Variants in PPP2R5E observed in about 807,000 individuals in gnomAD.
PPP2R5E encodes serine/threonine-protein phosphatase 2A 56 kDa regulatory subunit epsilon isoform.
A neutral mutation model predicts 65.3 loss-of-function variants in PPP2R5E; 4 were observed. The ratio of observed to expected loss-of-function variants is 0.06; its 90% CI spans 0.03 to 0.14. PPP2R5E has a LOEUF of 0.14. Among genes scored for constraint, PPP2R5E ranks in the 10% least tolerant of loss-of-function variants. The pLI is 1.00. For synonymous variants in PPP2R5E, 183 were observed against 187.4 expected (o/e 0.98, Z 0.19); for missense variants, 274 against 556.1 (o/e 0.49, Z 5.10).
At chr14:63,524,683 C>T (rs528197121) in intron 2 of PPP2R5E, among the ~76,000 whole-genome samples, 1 of 152,298 alleles carries the variant, frequency 6.6e-6, no homozygotes, top group Admixed American at 6.5e-5. Flanking sequence ...CACCAGGACA[C>T]AGCATGAGTT....
intron 2 of PPP2R5E, among the ~76,000 whole-genome samples, chr14:63,511,125 T>C (rs1047060464): frequency 1.3e-5 from 2 of 152,222 alleles, no homozygotes; most frequent in South Asian, 4.1e-4. Flanking sequence ...CACAAAGAGG[T>C]AGTCTTTCTC....
rs1234881089 is a variant in PPP2R5E, at chr14:63,490,096, TAGA to T, written c.158-36214_158-36212del. 2.6e-5 allele frequency among the ~76,000 whole-genome samples: 4 copies of T among 152,036 alleles called. No homozygotes were observed. The East Asian group carries it at 7.7e-4, about 29-fold the overall frequency. The stretch of plus-strand genomic sequence containing the variant: ...AATAAGTAGTAAAATTCTTGCAGAG[TAGA>T]AGAACTAGGCCGAATAAAATTGTGC... On this transcript the variant is annotated intron_variant, in intron 2 of 13. Transcript: ENST00000337537.
At chr14:63,454,796 G>C (rs535345908) in intron 2 of PPP2R5E, among the ~76,000 whole-genome samples, 1 of 152,266 alleles carries the variant, frequency 6.6e-6, no homozygotes, top group South Asian at 2.1e-4. Flanking sequence ...CTTCCCTGGA[G>C]AAGCAATGAA....
At chr14:63,499,983 T>A (rs1424286460) in intron 2 of PPP2R5E, among the ~76,000 whole-genome samples, 1 of 152,224 alleles carries the variant, frequency 6.6e-6, no homozygotes, top group African/African-American at 2.4e-5. Flanking sequence ...ATTTGACTCA[T>A]TATTTATGCT....
At chr14:63,485,660 C>T (rs1029707436) in intron 2 of PPP2R5E, among the ~76,000 whole-genome samples, 3 of 151,736 alleles carry the variant, frequency 2.0e-5, no homozygotes, top group Non-Finnish European at 4.4e-5. Context: ...GTGATCCACC[C>T]GCCTCGGCCT....
At chr14:63,400,444 G>A (rs1226073232) in intron 5 of PPP2R5E, among the ~76,000 whole-genome samples, 1 of 152,158 alleles carries the variant, frequency 6.6e-6, no homozygotes, top group South Asian at 2.1e-4. Context: ...GCTCCTCACA[G>A]GTTCAATAGT....
intron 3 of PPP2R5E, among the ~76,000 whole-genome samples, chr14:63,429,156 C>A (rs367832297): frequency 9.9e-5 from 15 of 152,282 alleles, no homozygotes; most frequent in African/African-American, 3.6e-4. Context: ...CACAGTATAA[C>A]AAGTCAATTT....
chr14:63,449,243 T>A (rs995510776), intron 3 of PPP2R5E, among the ~76,000 whole-genome samples: 5 of 152,174 alleles, frequency 3.3e-5, no homozygotes, highest in African/African-American at 1.2e-4. Context: ...GGCAGGATCA[T>A]CTTGGAATTA....
chr14:63,513,675 A>C (rs550600036), intron 2 of PPP2R5E, among the ~76,000 whole-genome samples: 1 of 152,326 alleles, frequency 6.6e-6, no homozygotes, highest in Non-Finnish European at 1.5e-5. Flanking sequence ...AATTAAAATA[A>C]GCTTTTTATA....
chr14:63,515,846 TTTTAC>T (rs1420818501), intron 2 of PPP2R5E, among the ~76,000 whole-genome samples: 1 of 149,964 alleles, frequency 6.7e-6, no homozygotes, highest in Non-Finnish European at 1.5e-5. Flanking sequence ...TTTATTTTTA[TTTTAC>T]TTTTTTTTTT....
Position 63,400,613 on chromosome 14 carries a change from C to G in PPP2R5E, c.550-3897G>C, listed in dbSNP as rs1383215707. On this transcript the variant is annotated intron_variant, in intron 5 of 13. Transcript: ENST00000337537. ...ACACATTGTTGAACAATTTTGGAGC[C>G]CATCAGGGGAGGTAATGGGCAAGTT... 2.1e-5 allele frequency among the ~76,000 whole-genome samples: 3 copies of G among 140,212 alleles called. No individual in the cohort carries two copies. The Admixed American group carries it at 2.3e-4, about 11-fold the overall frequency. 92.0% of individuals were successfully genotyped at this position (140,212 alleles called of 152,430 possible).
At chr14:63,490,032 G>A (rs1891207992) in intron 2 of PPP2R5E, among the ~76,000 whole-genome samples, 1 of 152,062 alleles carries the variant, frequency 6.6e-6, no homozygotes, top group African/African-American at 2.4e-5. Context: ...TTATGTATAT[G>A]TTAGTATATG....
intron 3 of PPP2R5E, among the ~76,000 whole-genome samples, chr14:63,438,887 A>G (rs1227829699): frequency 6.6e-6 from 1 of 152,132 alleles, no homozygotes; most frequent in Non-Finnish European, 1.5e-5. Context: ...TGAATATGCA[A>G]GTATATCAGG....
At chr14:63,436,278 C>T (rs963937030) in intron 3 of PPP2R5E, among the ~76,000 whole-genome samples, 2 of 152,164 alleles carry the variant, frequency 1.3e-5, no homozygotes, top group African/African-American at 2.4e-5. Context: ...TCAGCTAATG[C>T]TCAAACAAAA....
chr14:63,504,873 A>G (rs1892083232), intron 2 of PPP2R5E, among the ~76,000 whole-genome samples: 1 of 152,154 alleles, frequency 6.6e-6, no homozygotes, highest in African/African-American at 2.4e-5. Context: ...TCCTAATGCA[A>G]TGTTTGCTGA....
At chr14:63,419,813 C>A (rs780377713) in intron 4 of PPP2R5E, among the ~76,000 whole-genome samples, 1 of 152,146 alleles carries the variant, frequency 6.6e-6, no homozygotes, top group Admixed American at 6.5e-5. Context: ...CACATGAAAC[C>A]AGCCCATATT....
intron 5 of PPP2R5E, among the ~76,000 whole-genome samples, chr14:63,414,832 C>T (rs920440721): frequency 2.0e-5 from 3 of 152,112 alleles, no homozygotes; most frequent in East Asian, 3.8e-4. Context: ...AGCTATATAA[C>T]GATTCCCACA....
At chr14:63,534,754 G>A (rs558199113) in intron 2 of PPP2R5E, among the ~76,000 whole-genome samples, 1 of 152,222 alleles carries the variant, frequency 6.6e-6, no homozygotes, top group African/African-American at 2.4e-5. Flanking sequence ...CAAGTAGCTG[G>A]GACCACAGGT....
intron 2 of PPP2R5E, among the ~76,000 whole-genome samples, chr14:63,466,947 C>T (rs1889845081): frequency 6.6e-6 from 1 of 152,146 alleles, no homozygotes; most frequent in South Asian, 2.1e-4. Context: ...ACATTATTGG[C>T]CGGGTGCAGT....
Sources: gnomAD v4.1 joint callset for allele counts (sites outside exome capture counted in the v4.1 genomes callset) on GRCh38, gnomAD v4.1.1 for gene constraint, MANE v1.5 for transcripts, NCBI Gene and HGNC (gene_info 2026-07-23, HGNC 2026-07-21) for gene names.